Variants in ARHGAP10 observed in about 807,000 individuals in gnomAD.
ARHGAP10 encodes Rho GTPase activating protein 10.
A neutral mutation model predicts 108.6 loss-of-function variants in ARHGAP10; 87 were observed. The ratio of observed to expected loss-of-function variants is 0.80; its 90% CI spans 0.67 to 0.96. ARHGAP10 has a LOEUF of 0.96. ARHGAP10 is among the 40% of genes least tolerant of loss of function. The pLI is 0.00. For missense variants in ARHGAP10, 939 were observed against 954.5 expected (o/e 0.98, Z 0.21); for synonymous variants, 347 against 341.1 (o/e 1.02, Z -0.19).
chr4:147,928,141 C>G (rs1361700523), intron 13 of ARHGAP10, among the ~76,000 whole-genome samples: 1 of 152,160 alleles, frequency 6.6e-6, no homozygotes, highest in Admixed American at 6.5e-5. Context: ...TTCTACCTTT[C>G]GTATTTGAGA....
At chr4:147,989,507 A>G (rs1035478128) in intron 18 of ARHGAP10, among the ~76,000 whole-genome samples, 6 of 151,884 alleles carry the variant, frequency 4.0e-5, no homozygotes, top group African/African-American at 1.2e-4. Flanking sequence ...CCCTGGGGGG[A>G]CCAGTTCAGA....
At chr4:147,954,440 T>C (rs1738716225) in intron 15 of ARHGAP10, among the ~76,000 whole-genome samples, 1 of 152,066 alleles carries the variant, frequency 6.6e-6, no homozygotes, top group South Asian at 2.1e-4. Flanking sequence ...TTTGTCAATA[T>C]GAAATGACCT....
intron 1 of ARHGAP10, among the ~76,000 whole-genome samples, chr4:147,803,958 G>A (rs1731678257): frequency 6.6e-6 from 1 of 151,408 alleles, no homozygotes. Flanking sequence ...ATATTCGATA[G>A]TGGGAATGCT....
chr4:147,995,103 C>G (rs1255174659), intron 18 of ARHGAP10, among the ~76,000 whole-genome samples: 1 of 152,008 alleles, frequency 6.6e-6, no homozygotes, highest in Non-Finnish European at 1.5e-5. Context: ...AACTTAAAAC[C>G]CTTTTACTTT....
intron 11 of ARHGAP10, among the ~76,000 whole-genome samples, chr4:147,907,180 G>A (rs1176642838): frequency 1.3e-5 from 2 of 152,202 alleles, no homozygotes; most frequent in East Asian, 3.8e-4. Context: ...GCAGTATTAT[G>A]TAGCCTTAGT....
chr4:147,940,547 C>G (rs982291644), intron 14 of ARHGAP10, among the ~76,000 whole-genome samples: 2 of 152,198 alleles, frequency 1.3e-5, no homozygotes, highest in Admixed American at 6.5e-5. Context: ...ACTTCTCCCC[C>G]ACCCCAAAAC....
At chr4:147,967,351 A>G (rs1339702237) in intron 18 of ARHGAP10, among the ~76,000 whole-genome samples, 1 of 152,324 alleles carries the variant, frequency 6.6e-6, no homozygotes, top group East Asian at 1.9e-4. Flanking sequence ...CCTGCCTTGC[A>G]AAGAGTCTTT....
At chr4:148,067,815 G>A (rs1372620668) in intron 22 of ARHGAP10, among the ~76,000 whole-genome samples, 1 of 152,182 alleles carries the variant, frequency 6.6e-6, no homozygotes, top group Non-Finnish European at 1.5e-5. Flanking sequence ...AGTGTGGTTG[G>A]CACAGGGGTC....
chr4:147,950,152 T>C (rs1738538917), intron 15 of ARHGAP10, among the ~76,000 whole-genome samples: 1 of 152,236 alleles, frequency 6.6e-6, no homozygotes, highest in Admixed American at 6.5e-5. Context: ...AAGTGAATTA[T>C]CATAAGATGG....
intron 1 of ARHGAP10, among the ~76,000 whole-genome samples, chr4:147,733,048 A>G (rs1468185588): frequency 6.6e-6 from 1 of 152,118 alleles, no homozygotes; most frequent in African/African-American, 2.4e-5. Flanking sequence ...GCTTCCGCAC[A>G]TTCCTCCCCT....
chr4:147,923,158 T>G (rs1025497931), intron 13 of ARHGAP10, among the ~76,000 whole-genome samples: 1 of 152,270 alleles, frequency 6.6e-6, no homozygotes, highest in Non-Finnish European at 1.5e-5. Context: ...TAGGATTGTT[T>G]TTCATTCCTT....
At chr4:147,776,072 T>G (rs1037215923) in intron 1 of ARHGAP10, among the ~76,000 whole-genome samples, 6 of 152,224 alleles carry the variant, frequency 3.9e-5, no homozygotes, top group Non-Finnish European at 1.5e-5. Flanking sequence ...CTAAGACTTT[T>G]GATAATATAA....
intron 5 of ARHGAP10, 60 bp downstream of exon 5, chr4:147,857,714 A>T: frequency 7.7e-7 from 1 of 1,299,574 alleles, no homozygotes; most frequent in African/African-American, 1.5e-5. Context: ...CATGTCTTTT[A>T]AAAATGTGCT....
intron 18 of ARHGAP10, among the ~76,000 whole-genome samples, chr4:147,989,949 G>A (rs147804312): frequency 6.6e-6 from 1 of 152,174 alleles, no homozygotes. Flanking sequence ...AATTACAAAA[G>A]TATTAATTTG....
intron 3 of ARHGAP10, 104 bp downstream of exon 3, chr4:147,823,061 G>A (rs1732570929): frequency 2.6e-6 from 3 of 1,151,788 alleles, no homozygotes; most frequent in Non-Finnish European, 3.8e-6. Flanking sequence ...TTATCCCTGG[G>A]TACAGTAGTG....
intron 19 of ARHGAP10, among the ~76,000 whole-genome samples, chr4:148,027,402 T>C (rs753660699): frequency 2.6e-5 from 4 of 152,216 alleles, no homozygotes; most frequent in Non-Finnish European, 5.9e-5. Context: ...GTTGGCACTT[T>C]AACATTTGGA....
chr4:147,879,692 C>T (rs1320639426), intron 9 of ARHGAP10, among the ~76,000 whole-genome samples: 1 of 152,158 alleles, frequency 6.6e-6, no homozygotes, highest in Non-Finnish European at 1.5e-5. Context: ...TATCCCTCCC[C>T]TAGCCCCCAG....
At chr4:148,033,060 A>G (rs1578809546) in intron 19 of ARHGAP10, among the ~76,000 whole-genome samples, 1 of 152,198 alleles carries the variant, frequency 6.6e-6, no homozygotes, top group Admixed American at 6.5e-5. Flanking sequence ...AACCACCACA[A>G]TAAGCAAATA....
rs554756618 is a variant in ARHGAP10, at chr4:148,014,349, A to G, written c.1717-8914A>G. ...CAGAAATCGTATGCTGTGTTTTCCAAATGTTTGCAGGTGCAAATTGATAAA... is the reference window on the plus strand; with the variant it reads ...CAGAAATCGTATGCTGTGTTTTCCAGATGTTTGCAGGTGCAAATTGATAAA... On this transcript the variant is annotated intron_variant, in intron 18 of 22. Transcript: ENST00000336498. Among the ~76,000 whole-genome samples, 27 of 152,260 alleles carry G rather than the reference A, an allele frequency of 1.8e-4. 1 individual carries two copies. The South Asian group carries it at 5.6e-3, about 32-fold the overall frequency.
Sources: gnomAD v4.1 joint callset for allele counts (sites outside exome capture counted in the v4.1 genomes callset) on GRCh38, gnomAD v4.1.1 for gene constraint, MANE v1.5 for transcripts, NCBI Gene and HGNC (gene_info 2026-07-23, HGNC 2026-07-21) for gene names.